NLGN4X: variants seen among roughly 807,000 people sequenced by gnomAD.
NLGN4X encodes the protein neuroligin 4 X-linked.
NLGN4X carries 3 observed loss-of-function variants against 40.3 expected under a neutral mutation model. That is an observed-to-expected ratio of 0.07 (90% CI 0.03 to 0.19). The LOEUF (loss-of-function observed/expected upper bound fraction) is 0.19, where lower values mean the gene tolerates loss of function less well. Among genes scored for constraint, NLGN4X ranks in the 10% least tolerant of loss-of-function variants. The pLI is 1.00. For synonymous variants in NLGN4X, 270 were observed against 306.8 expected, an observed-to-expected ratio of 0.88 and a Z score of 1.25; for missense variants, 382 against 708.3, an observed-to-expected ratio of 0.54 and a Z score of 5.23.
chrX:6,196,081 G>A (rs1297163342), intron 1 of NLGN4X, among the ~76,000 whole-genome samples: 1 of 111,481 alleles, frequency 9.0e-6, no homozygotes, highest in Non-Finnish European at 1.9e-5. Context: ...ATAGTCATGA[G>A]CCACCACCCC....
intron 3 of NLGN4X, among the ~76,000 whole-genome samples, chrX:5,968,811 T>C (rs1477034880): frequency 9.1e-6 from 1 of 109,418 alleles, no homozygotes. Flanking sequence ...TCCTGTGGAT[T>C]GCTGTGTTCA....
intron 2 of NLGN4X, among the ~76,000 whole-genome samples, chrX:6,115,896 A>G (rs1397479093): frequency 9.0e-6 from 1 of 111,455 alleles, no homozygotes; most frequent in African/African-American, 3.3e-5. Flanking sequence ...ACACCACCCA[A>G]TTCTCCAGCT....
intron 3 of NLGN4X, among the ~76,000 whole-genome samples, chrX:5,992,402 T>C (rs938189245): frequency 3.6e-5 from 4 of 111,361 alleles, no homozygotes; most frequent in Non-Finnish European, 7.5e-5. Flanking sequence ...GGTCAGGAGT[T>C]TGAGACCAGC....
intron 1 of NLGN4X, among the ~76,000 whole-genome samples, chrX:6,162,871 A>C (rs2040427046): frequency 1.8e-5 from 2 of 112,007 alleles, no homozygotes; most frequent in Admixed American, 1.9e-4. Flanking sequence ...AAAGATATGC[A>C]TATGTATGTG....
intron 1 of NLGN4X, chrX:6,187,868 G>C (rs775836679): frequency 3.6e-5 from 4 of 111,988 alleles, no homozygotes; most frequent in African/African-American, 1.3e-4. Context: ...AAAGGTAATT[G>C]ACATAAAATA....
intron 2 of NLGN4X, among the ~76,000 whole-genome samples, chrX:6,033,039 CAAA>C (rs58234880): frequency 1.9e-5 from 2 of 105,130 alleles, no homozygotes; most frequent in African/African-American, 3.5e-5. Context: ...GATGCTACTG[CAAA>C]AAAAAAAATG....
At chrX:6,139,538 TAGAC>T (rs2147654957) in intron 2 of NLGN4X, among the ~76,000 whole-genome samples, 1 of 112,283 alleles carries the variant, frequency 8.9e-6, no homozygotes, top group South Asian at 3.7e-4. Flanking sequence ...TTAGGAAACA[TAGAC>T]AGCATTTCCT....
chrX:6,046,360 T>C (rs1375122715), intron 2 of NLGN4X, among the ~76,000 whole-genome samples: 1 of 111,719 alleles, frequency 9.0e-6, no homozygotes, highest in Non-Finnish European at 1.9e-5. Flanking sequence ...CAGATAATTA[T>C]AGCTGGAACA....
chrX:6,153,141 C>T (rs1011146282), intron 1 of NLGN4X, among the ~76,000 whole-genome samples: 5 of 111,845 alleles, frequency 4.5e-5, no homozygotes, highest in Non-Finnish European at 7.5e-5. Flanking sequence ...TTATTCAGAG[C>T]ATCTGCATCA....
chrX:6,103,253 G>A (rs2147499931), intron 2 of NLGN4X, among the ~76,000 whole-genome samples: 1 of 111,851 alleles, frequency 8.9e-6, no homozygotes, highest in South Asian at 3.7e-4. Context: ...AATCTCATGT[G>A]ATCGCCCACT....
chrX:6,135,813 G>A lies in NLGN4X; in HGVS notation c.472+15182C>T, dbSNP rs139529039. On this transcript the variant is annotated intron_variant, in intron 2 of 5. Coordinates refer to ENST00000381095, the MANE Select transcript of NLGN4X (RefSeq NM_181332.3). ...AAGAAAGCCAAAGAAGAAACATGGC[G>A]CCAAAGTGCCAGATTCCTAACAGCA... is the stretch of plus-strand genomic sequence containing the variant. 6.5e-4 allele frequency among the ~76,000 whole-genome samples: 72 copies of A among 111,625 alleles called. No individual in the cohort carries two copies. The East Asian group carries it at 0.012, about 19-fold the overall frequency.
chrX:6,138,506 G>T (rs1352566433), intron 2 of NLGN4X, among the ~76,000 whole-genome samples: 1 of 111,365 alleles, frequency 9.0e-6, no homozygotes, highest in African/African-American at 3.3e-5. Flanking sequence ...TATCGGTCAG[G>T]TTCAAAAAAA....
chrX:5,944,319 G>A (rs188229526), intron 3 of NLGN4X, among the ~76,000 whole-genome samples: 10 of 110,458 alleles, frequency 9.1e-5, no homozygotes, highest in Admixed American at 2.9e-4. Context: ...AAACACAAAT[G>A]AATAGGGCAT....
intron 1 of NLGN4X, among the ~76,000 whole-genome samples, chrX:6,165,717 C>T (rs1440029970): frequency 9.0e-6 from 1 of 111,403 alleles, no homozygotes; most frequent in East Asian, 2.8e-4. Flanking sequence ...TTAAAGAAAA[C>T]AGAGGTATAA....
chrX:6,132,947 C>T lies in NLGN4X; in HGVS notation c.472+18048G>A, dbSNP rs192793900. On this transcript the variant is annotated intron_variant, in intron 2 of 5. Coordinates refer to ENST00000381095, the MANE Select transcript of NLGN4X (RefSeq NM_181332.3). ...TGTGTCAAAAGCAGCAGCTGAGTTT[C>T]GAACATGGTAAGTTTGAAACATCTC... Among the ~76,000 whole-genome samples, 258 of 111,465 alleles carry T rather than the reference C, an allele frequency of 2.3e-3. 1 individual carries two copies. Among genetic ancestry groups the T allele is most frequent in the Non-Finnish European group, 3.1e-3 (167 of 53,086 alleles).
intron 2 of NLGN4X, among the ~76,000 whole-genome samples, chrX:6,059,646 T>C (rs1412588695): frequency 9.0e-6 from 1 of 111,321 alleles, no homozygotes; most frequent in Non-Finnish European, 1.9e-5. Context: ...TTCTGCTTGA[T>C]AATAATTAAT....
chrX:6,151,589 T>C lies in NLGN4X; in HGVS notation c.-123A>G. 5 of 572,625 alleles carry C rather than the reference T, an allele frequency of 8.7e-6. No homozygotes were observed. Among genetic ancestry groups the C allele is most frequent in the Non-Finnish European group, 1.2e-5 (4 of 339,311 alleles). The allele number at this position is 572,625 out of a possible 1,213,427, so 47.2% of individuals were successfully genotyped here. On this transcript the variant is annotated 5_prime_UTR_variant, in exon 2 of 6. Transcript: ENST00000381095. The stretch of plus-strand genomic sequence containing the variant: ...GGAGCAGTAGACCTGGGAGAGACTC[T>C]CAGACTGATCACAGACAGAGCCTGA...
At chrX:5,949,019 T>C (rs2034221393) in intron 3 of NLGN4X, among the ~76,000 whole-genome samples, 1 of 111,038 alleles carries the variant, frequency 9.0e-6, no homozygotes, top group South Asian at 3.9e-4. Flanking sequence ...CTTTGCAACA[T>C]GAGATGTGGT....
intron 3 of NLGN4X, among the ~76,000 whole-genome samples, chrX:5,993,536 G>C: frequency 9.0e-6 from 1 of 111,700 alleles, no homozygotes; most frequent in East Asian, 2.9e-4. Flanking sequence ...TTGCCAAGCA[G>C]GGCACAACTG....
Sources: gnomAD v4.1 joint callset for allele counts (sites outside exome capture counted in the v4.1 genomes callset) on GRCh38, gnomAD v4.1.1 for gene constraint, MANE v1.5 for transcripts, NCBI Gene and HGNC (gene_info 2026-07-23, HGNC 2026-07-21) for gene names.